Variants in ATP10A observed in about 807,000 individuals in gnomAD.
ATP10A encodes the protein phospholipid-transporting ATPase VA.
Under a neutral mutation model 147.8 loss-of-function variants are expected in ATP10A, and 111 were observed. The ratio of observed to expected loss-of-function variants is 0.75; its 90% CI spans 0.64 to 0.88. The LOEUF (loss-of-function observed/expected upper bound fraction) is 0.88. ATP10A is among the 40% of genes least tolerant of loss of function. The probability of loss-of-function intolerance (pLI) is 0.00; values close to 1 mark genes in which losing one functional copy is unlikely to be tolerated. For synonymous variants in ATP10A, 875 were observed against 841.6 expected, an observed-to-expected ratio of 1.04 and a Z score of -0.69; for missense variants, 1,927 against 1,959.0, an observed-to-expected ratio of 0.98 and a Z score of 0.31.
rs1308205879 is a variant in ATP10A at position 25,679,540 on chromosome 15, G to C, written c.4301C>G (p.Thr1434Ser). ...GGAAATCCAGTTGAGTAAGCTGAAG[G>C]TAGGCAGGCTGAAGAGGGAAGACAG... ...TPLSSLFSLP[T>S]FSLLNWISSW... Residue 1434 changes from threonine (T) to serine (S), a missense_variant, in exon 21 of 21, where the codon ACC becomes AGC. Physicochemically the swap from Thr to Ser is moderately conservative, Grantham distance 58 (BLOSUM62 1). Coordinates refer to ENST00000555815, the MANE Select transcript of ATP10A (RefSeq NM_024490.4). 9 of 1,613,134 alleles carry C rather than the reference G, an allele frequency of 5.6e-6. No homozygotes were observed. The highest frequency in any genetic ancestry group is 7.6e-6 in the Non-Finnish European group (9 of 1,179,262).
chr15:25,774,248 A>G lies in ATP10A; in HGVS notation c.654+6771T>C, dbSNP rs1027483456. The stretch of plus-strand genomic sequence containing the variant: ...TGGATAAATATTTCAGACTAGCCAA[A>G]TTATTATCAACTTCATGGCATTAAT... On this transcript the variant is annotated intron_variant, in intron 2 of 20. Coordinates refer to ENST00000555815, the MANE Select transcript of ATP10A (RefSeq NM_024490.4). Among the ~76,000 whole-genome samples, 10 of 152,218 alleles carry G rather than the reference A, an allele frequency of 6.6e-5. 1 individual carries two copies. The highest frequency in any genetic ancestry group is 5.9e-4 in the Admixed American group (9 of 15,282).
chr15:25,781,193 C>T lies in ATP10A; in HGVS notation c.480G>A (p.Trp160Ter). 1.2e-6 allele frequency: 2 copies of T among 1,614,064 alleles called. No homozygotes were observed. Among genetic ancestry groups the T allele is most frequent in the Non-Finnish European group, 1.7e-6 (2 of 1,179,974 alleles). Residue 160 changes from tryptophan to a stop codon, truncating the protein, a stop_gained, in exon 2 of 21, where the codon TGG becomes TGA. Coordinates refer to ENST00000555815, the MANE Select transcript of ATP10A (RefSeq NM_024490.4). LOFTEE classifies it high-confidence loss of function. ...CAAAGTCTCCCACGTGGATTTCTTT[C>T]CAGAATCGGTTCACGTATTTCTTTT... ...REEKKYVNRF[W>*]KEIHVGDFVR...
intron 1 of ATP10A, 84 bp downstream of exon 1, chr15:25,862,564 G>A: frequency 7.3e-7 from 1 of 1,373,584 alleles, no homozygotes; most frequent in Non-Finnish European, 9.7e-7. Flanking sequence ...CCCAGCCCCT[G>A]CCAATCACTG....
chr15:25,805,682 A>G (rs1891150079), intron 1 of ATP10A, among the ~76,000 whole-genome samples: 1 of 152,206 alleles, frequency 6.6e-6, no homozygotes, highest in African/African-American at 2.4e-5. Context: ...CTGAATCCAT[A>G]TGTGAAACAC....
At chr15:25,694,448 G>A (rs1016854282) in intron 14 of ATP10A, among the ~76,000 whole-genome samples, 8 of 152,214 alleles carry the variant, frequency 5.3e-5, no homozygotes, top group Non-Finnish European at 7.3e-5. Flanking sequence ...CAGCTGCAAA[G>A]GACCTTCTAA....
At chr15:25,727,976 AG>A (rs1426335513) in intron 3 of ATP10A, among the ~76,000 whole-genome samples, 1 of 152,154 alleles carries the variant, frequency 6.6e-6, no homozygotes, top group Non-Finnish European at 1.5e-5. Context: ...CACAGGTCAC[AG>A]GGGGAGGCCT....
chr15:25,839,331 C>A (rs1892713913), intron 1 of ATP10A, among the ~76,000 whole-genome samples: 1 of 152,200 alleles, frequency 6.6e-6, no homozygotes, highest in Non-Finnish European at 1.5e-5. Context: ...GTAATCTCAT[C>A]TTCCAGAGCA....
intron 1 of ATP10A, among the ~76,000 whole-genome samples, chr15:25,829,046 C>A (rs1376759804): frequency 5.9e-5 from 9 of 152,198 alleles, no homozygotes; most frequent in Admixed American, 1.3e-4. Context: ...AGACACACAA[C>A]TCCAGTCTGT....
intron 2 of ATP10A, among the ~76,000 whole-genome samples, chr15:25,739,957 G>A (rs1486099624): frequency 6.6e-6 from 1 of 152,178 alleles, no homozygotes; most frequent in Non-Finnish European, 1.5e-5. Flanking sequence ...CCAGAGCCCT[G>A]CGGCATGCTT....
At position 25,693,742 on chromosome 15, in the gene ATP10A, C is replaced by T. The variant is rs142348990; in HGVS notation, c.3088+1077G>A. Among the ~76,000 whole-genome samples, 10 of 152,318 alleles carry T rather than the reference C, an allele frequency of 6.6e-5. No homozygotes were observed. The East Asian group carries it at 1.7e-3, about 26-fold the overall frequency. ...CGTGCCCTGTGCCCACTCTCCTTAG[C>T]GGTTACTGGCCTCAGGGTGTGTAGG... On this transcript the variant is annotated intron_variant, in intron 14 of 20. Transcript: ENST00000555815.
In ATP10A at chr15:25,753,402, GT is replaced by G. The variant is rs534824565; in HGVS notation, c.655-17262del. ...AATGTTGTCTAACTCCATCCATGTT[GT>G]TGCAAATGACAGAATTTCCTTCTTT... On this transcript the variant is annotated intron_variant, in intron 2 of 20. Transcript: ENST00000555815. Among the ~76,000 whole-genome samples, 20 of 152,124 alleles carry G rather than the reference GT, an allele frequency of 1.3e-4. 1 individual carries two copies. Among genetic ancestry groups the G allele is most frequent in the African/African-American group, 4.6e-4 (19 of 41,498 alleles).
intron 10 of ATP10A, among the ~76,000 whole-genome samples, chr15:25,711,125 C>G (rs1901389365): frequency 6.6e-6 from 1 of 152,122 alleles, no homozygotes; most frequent in African/African-American, 2.4e-5. Context: ...CTGCTTGTTG[C>G]CTGACACCAC....
intron 1 of ATP10A, among the ~76,000 whole-genome samples, chr15:25,832,455 T>C (rs1224733853): frequency 1.3e-5 from 2 of 152,190 alleles, no homozygotes; most frequent in African/African-American, 4.8e-5. Context: ...AGATCTGTCA[T>C]GTTCTGGACC....
chr15:25,752,126 A>G (rs1459954161), intron 2 of ATP10A, among the ~76,000 whole-genome samples: 1 of 152,188 alleles, frequency 6.6e-6, no homozygotes, highest in Non-Finnish European at 1.5e-5. Flanking sequence ...AACTAAAAAT[A>G]GAATTACCAT....
At chr15:25,857,462 T>C (rs1893567499) in intron 1 of ATP10A, among the ~76,000 whole-genome samples, 1 of 152,108 alleles carries the variant, frequency 6.6e-6, no homozygotes, top group Non-Finnish European at 1.5e-5. Flanking sequence ...ATAATAATTT[T>C]TTTTAGGTAT....
At chr15:25,777,086 T>C (rs915233609) in intron 2 of ATP10A, among the ~76,000 whole-genome samples, 1 of 128,602 alleles carries the variant, frequency 7.8e-6, no homozygotes, top group Admixed American at 8.4e-5. Context: ...TGCGTGTGTG[T>C]GCATACGTGC....
Position 25,679,512 on chromosome 15 carries a change from G to C in ATP10A, c.4329C>G (p.Ser1443=). 6.2e-7 allele frequency: 1 copy of C among 1,613,692 alleles called. No homozygotes were observed. Among genetic ancestry groups the C allele is most frequent in the Non-Finnish European group, 8.5e-7 (1 of 1,179,698 alleles). Reference sequence around the variant, plus strand: ...TCCCCAGCCTGCTGACCAGCGACCAGGAGGAAATCCAGTTGAGTAAGCTGA... The same window carrying C: ...TCCCCAGCCTGCTGACCAGCGACCACGAGGAAATCCAGTTGAGTAAGCTGA... ...PTFSLLNWIS[S]WSLVSRLGSV... is the part of the protein sequence containing the mutation. The change falls in exon 21 of 21, where the codon TCC becomes TCG. Residue 1443 remains serine (S), a synonymous_variant. Transcript: ENST00000555815.
intron 1 of ATP10A, among the ~76,000 whole-genome samples, chr15:25,788,771 T>C (rs1379282831): frequency 6.6e-6 from 1 of 152,242 alleles, no homozygotes; most frequent in Non-Finnish European, 1.5e-5. Context: ...CAGACAGTAC[T>C]GCTTGAGGTG....
chr15:25,843,232 C>G (rs1376330634), intron 1 of ATP10A, among the ~76,000 whole-genome samples: 1 of 147,880 alleles, frequency 6.8e-6, no homozygotes, highest in Non-Finnish European at 1.5e-5. Context: ...CCCCACCCCC[C>G]ACCCCCACCG....
Sources: gnomAD v4.1 joint callset for allele counts (sites outside exome capture counted in the v4.1 genomes callset) on GRCh38, gnomAD v4.1.1 for gene constraint, MANE v1.5 for transcripts, NCBI Gene and HGNC (gene_info 2026-07-23, HGNC 2026-07-21) for gene names.